AK9: variants seen among roughly 807,000 people sequenced by gnomAD.
The protein encoded by AK9 is adenylate kinase 9, also known as adenylate kinase domain containing 1.
In AK9, 191 loss-of-function variants were observed where a neutral mutation model predicts 239.6. The ratio of observed to expected loss-of-function variants is 0.80; its 90% CI spans 0.71 to 0.90. AK9 has a LOEUF of 0.90. Ranked by LOEUF, AK9 falls within the 40% of genes least tolerant of loss-of-function variation. The pLI is 0.00. For missense variants in AK9, 1,995 were observed against 2,214.7 expected (o/e 0.90, Z 1.99); for synonymous variants, 689 against 721.0 (o/e 0.96, Z 0.71).
chr6:109,545,602 G>C (rs2128155296), intron 26 of AK9, among the ~76,000 whole-genome samples: 1 of 152,200 alleles, frequency 6.6e-6, no homozygotes, highest in African/African-American at 2.4e-5. Flanking sequence ...AGCCTCCCCA[G>C]CCACATGGAA....
intron 17 of AK9, among the ~76,000 whole-genome samples, chr6:109,597,834 GA>G (rs1304446302): frequency 4.0e-5 from 6 of 151,504 alleles, no homozygotes; most frequent in African/African-American, 1.5e-4. Context: ...GGAAAGGAAA[GA>G]AAAAAAGGAA....
At chr6:109,665,976 T>C (rs1017649216) in intron 5 of AK9, among the ~76,000 whole-genome samples, 2 of 152,208 alleles carry the variant, frequency 1.3e-5, no homozygotes, top group South Asian at 2.1e-4. Flanking sequence ...GCAGGAATGC[T>C]GAACTTCTGG....
intron 10 of AK9, among the ~76,000 whole-genome samples, chr6:109,635,944 C>T (rs182808268): frequency 5.9e-5 from 9 of 152,288 alleles, no homozygotes; most frequent in African/African-American, 2.2e-4. Flanking sequence ...AAAATATCAC[C>T]ATTGGTTCTA....
chr6:109,550,149 C>G lies in AK9; in HGVS notation c.2905G>C (p.Ala969Pro). The change falls in exon 25 of 41, where the codon GCT (alanine) becomes CCT (proline). Residue 969 changes from alanine to proline, a missense_variant. Ala to Pro is a conservative substitution (Grantham distance 27). Transcript: ENST00000424296. ...GGATGCTCCAAAAACTTTTCTTTAG[C>G]CTCAGCACTTGAAAAGTAGTAGATC... is the stretch of plus-strand genomic sequence containing the variant. ...EKIYYFSSAE[A>P]KEKFLEHPED... The G allele has an allele frequency of 6.2e-7, 1 of 1,613,956 alleles. No homozygotes were observed.
At chr6:109,551,121 C>T (rs1219713519) in intron 24 of AK9, among the ~76,000 whole-genome samples, 1 of 152,072 alleles carries the variant, frequency 6.6e-6, no homozygotes, top group Non-Finnish European at 1.5e-5. Flanking sequence ...TTATTTACAT[C>T]ATACTTCTTT....
chr6:109,597,377 T>G (rs536701205), intron 17 of AK9, among the ~76,000 whole-genome samples: 1 of 152,118 alleles, frequency 6.6e-6, no homozygotes, highest in African/African-American at 2.4e-5. Flanking sequence ...AAATTTTCTT[T>G]AAAAATTTTT....
rs773906071 is a variant in AK9 at position 109,675,621 on chromosome 6, T to G, written c.117+8A>C. 12 of 1,440,838 alleles carry G rather than the reference T, an allele frequency of 8.3e-6. No homozygotes were observed. The highest frequency in any genetic ancestry group is 7.6e-5 in the Admixed American group (3 of 39,666). 89.3% of individuals were successfully genotyped at this position (1,440,838 alleles called of 1,614,324 possible). On this transcript the variant is annotated splice_region_variant and intron_variant, in intron 2 of 40. Coordinates refer to ENST00000424296, the MANE Select transcript of AK9 (RefSeq NM_001145128.3). ...AAAAATTATACCAAATAATAAGAGA[T>G]AACTTACTGGTTTCCCAAATACAAC... is the stretch of plus-strand genomic sequence containing the variant.
chr6:109,519,532 T>C (rs893717214), intron 29 of AK9, among the ~76,000 whole-genome samples: 3 of 152,162 alleles, frequency 2.0e-5, no homozygotes, highest in African/African-American at 7.2e-5. Flanking sequence ...TGGTGGTTCA[T>C]ACCTGTGATT....
Position 109,493,386 on chromosome 6 carries a change from C to A in AK9, c.5719G>T (p.Asp1907Tyr), listed in dbSNP as rs1309917329. ...LKTFLSLRNI[D>Y]PING ...TAAGTAAACTACCCATTAATTGGGT[C>A]TATATTTCTGAGAGAGAGAAAGGTC... Residue 1907 changes from aspartate to tyrosine, a missense_variant, in exon 41 of 41, where the codon GAC (aspartate) becomes TAC (tyrosine). By Grantham distance (160) the Asp-to-Tyr change is radical (BLOSUM62 -3). Coordinates refer to ENST00000424296, the MANE Select transcript of AK9 (RefSeq NM_001145128.3). 4 of 1,613,818 alleles carry A rather than the reference C, an allele frequency of 2.5e-6. No individual in the cohort carries two copies. The highest frequency in any genetic ancestry group is 1.1e-5 in the South Asian group (1 of 91,070).
intron 12 of AK9, among the ~76,000 whole-genome samples, chr6:109,627,227 G>T (rs1357853730): frequency 6.9e-6 from 1 of 145,500 alleles, no homozygotes; most frequent in African/African-American, 2.6e-5. Flanking sequence ...TGTCCCACTG[G>T]AAGGTCTTCA....
intron 35 of AK9, 97 bp downstream of exon 35, chr6:109,506,230 G>T: frequency 1.8e-6 from 2 of 1,093,658 alleles, no homozygotes; most frequent in Non-Finnish European, 2.7e-6. Flanking sequence ...AGTCACGCCT[G>T]ACTCATGTTC....
intron 32 of AK9, among the ~76,000 whole-genome samples, chr6:109,510,365 T>C (rs2128108772): frequency 6.6e-6 from 1 of 151,900 alleles, no homozygotes; most frequent in Non-Finnish European, 1.5e-5. Context: ...TGTTGATAGC[T>C]GGAGAGGACA....
Position 109,529,075 on chromosome 6 carries a change from T to G in AK9, c.3571-2A>C, listed in dbSNP as rs1780905808. 2 of 1,560,876 alleles carry G rather than the reference T, an allele frequency of 1.3e-6. No individual in the cohort carries two copies. The highest frequency in any genetic ancestry group is 1.7e-6 in the Non-Finnish European group (2 of 1,161,806). On this transcript the variant is annotated splice_acceptor_variant, in intron 28 of 40. Transcript: ENST00000424296. LOFTEE classifies it high-confidence loss of function. ...CCTTCTTTTAGCAATCGTATCAACCTGTTAAAGAAAGAGACATTAAAAAAT... is the reference window on the plus strand; with the variant it reads ...CCTTCTTTTAGCAATCGTATCAACCGGTTAAAGAAAGAGACATTAAAAAAT...
Position 109,633,066 on chromosome 6 carries a change from C to A in AK9, c.1111G>T (p.Ala371Ser). 6.4e-7 allele frequency: 1 copy of A among 1,555,380 alleles called. No individual in the cohort carries two copies. Among genetic ancestry groups the A allele is most frequent in the Non-Finnish European group, 8.6e-7 (1 of 1,158,974 alleles). ...GGGTTCAACAAAAATGGTTTTAATG[C>A]TTCTTCTGATGAAAGACAGTAGATT... ...GKIYCLSSEE[A>S]LKPFLLNPRP... Residue 371 changes from alanine to serine, a missense_variant, in exon 12 of 41, where the codon GCA (alanine) becomes TCA (serine). Ala to Ser is a moderately conservative substitution (Grantham distance 99). This residue lies in a region of AK9 where 1,290 missense variants were observed against 1,392.7 expected (regional missense o/e 0.93). Coordinates refer to ENST00000424296, the MANE Select transcript of AK9 (RefSeq NM_001145128.3).
At chr6:109,516,107 T>C (rs753234590) in intron 30 of AK9, 32 bp from the exon 31 acceptor site, 2 of 1,505,644 alleles carry the variant, frequency 1.3e-6, no homozygotes, top group Admixed American at 2.0e-5. Flanking sequence ...ACAAATATAT[T>C]TAGTGAGAAA....
At chr6:109,600,300 T>A (rs1791740220) in intron 17 of AK9, among the ~76,000 whole-genome samples, 1 of 152,222 alleles carries the variant, frequency 6.6e-6, no homozygotes, top group Admixed American at 6.5e-5. Context: ...GCTGTTGAAT[T>A]TTCTTGAAGG....
At chr6:109,586,605 G>C (rs917020784) in intron 17 of AK9, among the ~76,000 whole-genome samples, 5 of 152,200 alleles carry the variant, frequency 3.3e-5, no homozygotes, top group African/African-American at 1.2e-4. Flanking sequence ...TCCTGGTCCA[G>C]CTTGCCTTTT....
At chr6:109,655,588 G>A (rs1562562778) in intron 8 of AK9, among the ~76,000 whole-genome samples, 1 of 152,172 alleles carries the variant, frequency 6.6e-6, no homozygotes, top group Non-Finnish European at 1.5e-5. Context: ...CATTTGTGCT[G>A]ATGAACATTT....
At chr6:109,662,530 C>A in intron 6 of AK9, 21 bp downstream of exon 6, 1 of 1,477,910 alleles carries the variant, frequency 6.8e-7, no homozygotes. Flanking sequence ...ACTCTACTAG[C>A]AAAACAATTA....
Sources: gnomAD v4.1 joint callset for allele counts (sites outside exome capture counted in the v4.1 genomes callset) on GRCh38, gnomAD v4.1.1 for gene constraint, gnomAD v4.1.1 regional missense constraint, MANE v1.5 for transcripts, NCBI Gene and HGNC (gene_info 2026-07-23, HGNC 2026-07-21) for gene names.